The following HEMK2 variants were observed in gnomAD, a reference collection of about 807,000 sequenced individuals.
HEMK2 encodes the protein HemK methyltransferase 2, ETF1 glutamine and histone H4 lysine.
At chr21:28,816,398 A>C in the HEMK2 span, among the ~76,000 whole-genome samples, 1 of 152,242 alleles carries the variant, frequency 6.6e-6, no homozygotes, top group African/African-American at 2.4e-5. Context: ...AGCTGGGCAC[A>C]GTGGCTCATG....
At chr21:28,607,948 A>G in the HEMK2 span, among the ~76,000 whole-genome samples, 2 of 152,228 alleles carry the variant, frequency 1.3e-5, no homozygotes, top group East Asian at 3.8e-4. Flanking sequence ...GATAATTTAC[A>G]TAGTATTTTC....
chr21:28,608,341 T>TAAACTAA, the HEMK2 span, among the ~76,000 whole-genome samples: 3 of 143,928 alleles, frequency 2.1e-5, no homozygotes, highest in Non-Finnish European at 3.0e-5. Context: ...TATATTCAAG[T>TAAACTAA]AAACTAAAAA....
chr21:28,885,144 CCCT>C, the HEMK2 span: 1 of 1,459,944 alleles, frequency 6.8e-7, no homozygotes, highest in Non-Finnish European at 9.2e-7. Context: ...ACCGTTCCGG[CCCT>C]CCTCCACCGC....
chr21:28,870,680 G>A, the HEMK2 span, among the ~76,000 whole-genome samples: 5,352 of 152,146 alleles, frequency 0.035, 317 homozygotes, highest in African/African-American at 0.12. Context: ...GGATTACATC[G>A]CACCCAGCCT....
chr21:28,863,906 C>A, the HEMK2 span, among the ~76,000 whole-genome samples: 1 of 152,222 alleles, frequency 6.6e-6, no homozygotes, highest in African/African-American at 2.4e-5. Flanking sequence ...TGGCTCACTG[C>A]AACCTCCACC....
At chr21:28,838,538 TA>T in the HEMK2 span, among the ~76,000 whole-genome samples, 98 of 121,224 alleles carry the variant, frequency 8.1e-4, no homozygotes, top group Admixed American at 7.5e-4. Flanking sequence ...TGTCTCAAAA[TA>T]AAAAAAAAAA....
At chr21:28,761,504 A>G in the HEMK2 span, among the ~76,000 whole-genome samples, 2 of 151,954 alleles carry the variant, frequency 1.3e-5, no homozygotes, top group African/African-American at 4.8e-5. Flanking sequence ...AAATCGGATG[A>G]CCTGAAGTTT....
chr21:28,583,346 T>G, the HEMK2 span, among the ~76,000 whole-genome samples: 1 of 152,168 alleles, frequency 6.6e-6, no homozygotes, highest in Non-Finnish European at 1.5e-5. Context: ...ACACAATGGC[T>G]GTAGATTATT....
chr21:28,879,452 G>A, the HEMK2 span, among the ~76,000 whole-genome samples: 1 of 152,112 alleles, frequency 6.6e-6, no homozygotes, highest in African/African-American at 2.4e-5. Context: ...ATGTTGGCCA[G>A]GCTGGTCTTG....
the HEMK2 span, among the ~76,000 whole-genome samples, chr21:28,831,455 A>AAAGAAAGAAAGAAAAGAAAGAAAGAAAG: frequency 7.2e-4 from 41 of 57,034 alleles, 4 homozygotes; most frequent in East Asian, 4.4e-3. Flanking sequence ...AAAAAGAAAG[A>AAAGAAAGAAAGAAAAGAAAGAAAGAAAG]AAAGAACGAA....
At chr21:28,650,079 G>A in the HEMK2 span, among the ~76,000 whole-genome samples, 1 of 152,162 alleles carries the variant, frequency 6.6e-6, no homozygotes, top group Non-Finnish European at 1.5e-5. Flanking sequence ...GCACTGAAGT[G>A]TAAAGAGGCA....
the HEMK2 span, among the ~76,000 whole-genome samples, chr21:28,636,732 T>G: frequency 1.3e-5 from 2 of 152,196 alleles, no homozygotes; most frequent in Admixed American, 1.3e-4. Flanking sequence ...AGTACATGCA[T>G]CTTGCTTCCC....
the HEMK2 span, among the ~76,000 whole-genome samples, chr21:28,644,887 T>C: frequency 7.2e-5 from 11 of 152,312 alleles, no homozygotes; most frequent in East Asian, 1.9e-4. Context: ...TGATGAGAGA[T>C]TGGCATTTGA....
the HEMK2 span, among the ~76,000 whole-genome samples, chr21:28,578,698 G>C: frequency 6.6e-6 from 1 of 152,122 alleles, no homozygotes; most frequent in South Asian, 2.1e-4. Context: ...ACTGTCCCTG[G>C]TTTCCTTGAT....
At chr21:28,809,677 T>C in the HEMK2 span, among the ~76,000 whole-genome samples, 1 of 152,258 alleles carries the variant, frequency 6.6e-6, no homozygotes, top group South Asian at 2.1e-4. Flanking sequence ...CATTCAGAAA[T>C]GAGGAAGCAA....
the HEMK2 span, among the ~76,000 whole-genome samples, chr21:28,606,312 C>T: frequency 3.3e-5 from 5 of 152,130 alleles, no homozygotes; most frequent in Non-Finnish European, 7.4e-5. Flanking sequence ...TATTGTTCTC[C>T]GGAATATATC....
At chr21:28,735,743 G>T in the HEMK2 span, among the ~76,000 whole-genome samples, 3 of 152,212 alleles carry the variant, frequency 2.0e-5, no homozygotes, top group Non-Finnish European at 4.4e-5. Context: ...CATGTGATGA[G>T]GTCAGGTCTA....
the HEMK2 span, among the ~76,000 whole-genome samples, chr21:28,603,121 C>T: frequency 2.6e-5 from 4 of 152,314 alleles, no homozygotes; most frequent in African/African-American, 9.6e-5. Flanking sequence ...AACCCACACA[C>T]CAGAGTACCC....
At chr21:28,679,537 G>C in the HEMK2 span, among the ~76,000 whole-genome samples, 1 of 152,046 alleles carries the variant, frequency 6.6e-6, no homozygotes, top group Non-Finnish European at 1.5e-5. Context: ...ACTCAGCTCC[G>C]CACCAAGAGG....
Sources: allele counts gnomAD v4.1 joint callset (sites outside exome capture counted in the v4.1 genomes callset), GRCh38; gene constraint gnomAD v4.1.1; transcripts MANE v1.5; gene names NCBI Gene and HGNC (gene_info 2026-07-23, HGNC 2026-07-21).